Variants in ADCK1 observed in about 807,000 individuals in gnomAD.
The protein encoded by ADCK1 is aarF domain-containing protein kinase 1.
A neutral mutation model predicts 52.3 loss-of-function variants in ADCK1; 41 were observed. The observed-to-expected ratio is 0.78, with a 90% CI of 0.61 to 1.02. ADCK1 has a LOEUF of 1.02. Ranked by LOEUF, ADCK1 falls within the 50% of genes least tolerant of loss-of-function variation. The pLI is 0.00. For synonymous variants in ADCK1, 250 were observed against 274.6 expected (o/e 0.91, Z 0.89); for missense variants, 658 against 679.5 (o/e 0.97, Z 0.35).
intron 4 of ADCK1, among the ~76,000 whole-genome samples, chr14:77,863,710 G>A (rs1157138425): frequency 3.3e-5 from 5 of 152,158 alleles, no homozygotes; most frequent in South Asian, 4.2e-4. Context: ...GGTGGTGGGC[G>A]CTTGTCATCC....
At chr14:77,919,574 G>T (rs951655554) in intron 7 of ADCK1, among the ~76,000 whole-genome samples, 3 of 152,104 alleles carry the variant, frequency 2.0e-5, no homozygotes, top group African/African-American at 7.2e-5. Flanking sequence ...TTCATATAAT[G>T]ACTTCTTTTC....
intron 3 of ADCK1, among the ~76,000 whole-genome samples, chr14:77,833,085 A>T (rs8014573): frequency 0.015 from 2,264 of 152,252 alleles, 58 homozygotes; most frequent in African/African-American, 0.051. Flanking sequence ...AAGGCATGAA[A>T]TCACCAGCTA....
At chr14:77,864,026 G>A (rs1346141783) in intron 4 of ADCK1, among the ~76,000 whole-genome samples, 1 of 152,054 alleles carries the variant, frequency 6.6e-6, no homozygotes, top group Admixed American at 6.5e-5. Flanking sequence ...TTTGGCTTTT[G>A]TACTCTGAAA....
intron 3 of ADCK1, among the ~76,000 whole-genome samples, chr14:77,835,793 A>C (rs1290201563): frequency 6.6e-6 from 1 of 151,974 alleles, no homozygotes; most frequent in African/African-American, 2.4e-5. Flanking sequence ...GCACCACCAC[A>C]CCTGGCTAAT....
intron 1 of ADCK1, among the ~76,000 whole-genome samples, chr14:77,814,715 A>AG (rs1206610341): frequency 1.7e-4 from 25 of 150,780 alleles, no homozygotes; most frequent in African/African-American, 5.8e-4. Context: ...AAAAAAAAAA[A>AG]AAAAGAAGAA....
chr14:77,808,272 G>C (rs925720375), intron 1 of ADCK1, among the ~76,000 whole-genome samples: 1 of 152,188 alleles, frequency 6.6e-6, no homozygotes, highest in African/African-American at 2.4e-5. Context: ...AAGCAGGCAT[G>C]AGTTCCGTGG....
intron 7 of ADCK1, among the ~76,000 whole-genome samples, chr14:77,921,199 C>T (rs540805174): frequency 6.6e-6 from 1 of 150,638 alleles, no homozygotes; most frequent in South Asian, 2.1e-4. Flanking sequence ...TGGTGGCAGG[C>T]ACCTGTAGTC....
intron 3 of ADCK1, among the ~76,000 whole-genome samples, chr14:77,844,006 G>C (rs2082125678): frequency 6.6e-6 from 1 of 152,060 alleles, no homozygotes; most frequent in Non-Finnish European, 1.5e-5. Flanking sequence ...AGTTGCTCTG[G>C]CTGGAAAGAG....
At chr14:77,917,149 C>G (rs1011626955) in intron 7 of ADCK1, among the ~76,000 whole-genome samples, 2 of 152,040 alleles carry the variant, frequency 1.3e-5, no homozygotes, top group African/African-American at 2.4e-5. Context: ...CATTTGAACC[C>G]AGGTGTTCGA....
intron 3 of ADCK1, among the ~76,000 whole-genome samples, chr14:77,845,477 C>T (rs1400126909): frequency 1.3e-5 from 2 of 152,048 alleles, no homozygotes; most frequent in East Asian, 1.9e-4. Context: ...GGCTGGAGTG[C>T]AGTGGCACAA....
chr14:77,892,235 A>G (rs2083297160), intron 5 of ADCK1, among the ~76,000 whole-genome samples: 1 of 152,126 alleles, frequency 6.6e-6, no homozygotes, highest in Non-Finnish European at 1.5e-5. Context: ...TTTGCATCTT[A>G]AGAGGTGACC....
intron 8 of ADCK1, among the ~76,000 whole-genome samples, chr14:77,925,062 T>C (rs1325216085): frequency 1.3e-5 from 2 of 152,154 alleles, no homozygotes; most frequent in Non-Finnish European, 2.9e-5. Flanking sequence ...GCAGATCTGG[T>C]TCAAAGGAGC....
intron 4 of ADCK1, among the ~76,000 whole-genome samples, chr14:77,870,670 C>T (rs113752206): frequency 3.9e-5 from 6 of 152,200 alleles, no homozygotes; most frequent in Admixed American, 2.0e-4. Flanking sequence ...GAGCTCAGAG[C>T]GTGAGTGTCC....
At chr14:77,854,173 C>T (rs2082368879) in intron 3 of ADCK1, among the ~76,000 whole-genome samples, 1 of 152,102 alleles carries the variant, frequency 6.6e-6, no homozygotes, top group African/African-American at 2.4e-5. Context: ...TTTAGCCTTG[C>T]CATTTTCTAA....
intron 5 of ADCK1, among the ~76,000 whole-genome samples, chr14:77,894,622 T>C (rs986525020): frequency 6.6e-6 from 1 of 152,100 alleles, no homozygotes; most frequent in Non-Finnish European, 1.5e-5. Context: ...ATGTGTAAAG[T>C]GTTCGTAGCA....
intron 7 of ADCK1, among the ~76,000 whole-genome samples, chr14:77,920,556 G>T (rs1021723599): frequency 6.6e-6 from 1 of 152,056 alleles, no homozygotes; most frequent in African/African-American, 2.4e-5. Flanking sequence ...TATTCTTTTT[G>T]CTTAGTCTTA....
At chr14:77,892,889 GAGTTTTGTGTCTACTCTGAACCTGGC>G (rs2083312757) in intron 5 of ADCK1, among the ~76,000 whole-genome samples, 1 of 152,160 alleles carries the variant, frequency 6.6e-6, no homozygotes, top group South Asian at 2.1e-4. Flanking sequence ...TACTACCCTA[GAGTTTTGTGTCTACTCTGAACCTGGC>G]AGTTTTGTGT....
chr14:77,817,625 G>C (rs1044524386), intron 1 of ADCK1, among the ~76,000 whole-genome samples: 3 of 152,194 alleles, frequency 2.0e-5, no homozygotes, highest in Admixed American at 2.0e-4. Flanking sequence ...AAATCAGCAG[G>C]TAGGCATTAA....
At chr14:77,915,098 G>A (rs1018438414) in intron 7 of ADCK1, among the ~76,000 whole-genome samples, 4 of 152,100 alleles carry the variant, frequency 2.6e-5, no homozygotes, top group East Asian at 1.9e-4. Context: ...GAGCAGCTGC[G>A]GAGGCATGAA....
Sources: allele counts gnomAD v4.1 joint callset (sites outside exome capture counted in the v4.1 genomes callset), GRCh38; gene constraint gnomAD v4.1.1; transcripts MANE v1.5; gene names NCBI Gene and HGNC (gene_info 2026-07-23, HGNC 2026-07-21).